Variants in ATP2B4 observed in about 807,000 individuals in gnomAD.
The protein encoded by ATP2B4 is plasma membrane calcium-transporting ATPase 4.
A neutral mutation model predicts 110.3 loss-of-function variants in ATP2B4; 39 were observed. The ratio of observed to expected loss-of-function variants is 0.35; its 90% confidence interval spans 0.27 to 0.46. ATP2B4 has a LOEUF of 0.46. ATP2B4 is among the 20% of genes least tolerant of loss of function. The pLI, the probability that ATP2B4 is intolerant of heterozygous loss-of-function variation, is 1.00. For missense variants in ATP2B4, 1,135 were observed against 1,530.9 expected (o/e 0.74, Z 4.32); for synonymous variants, 538 against 571.7 (o/e 0.94, Z 0.84).
intron 1 of ATP2B4, among the ~76,000 whole-genome samples, chr1:203,674,123 G>A (rs1182299513): frequency 1.3e-5 from 2 of 152,212 alleles, no homozygotes; most frequent in Non-Finnish European, 2.9e-5. Context: ...GCTTCCTGCC[G>A]CAGCTCTGAG....
intron 1 of ATP2B4, among the ~76,000 whole-genome samples, chr1:203,654,129 G>A (rs1389662094): frequency 2.6e-5 from 4 of 151,684 alleles, no homozygotes; most frequent in East Asian, 3.9e-4. Context: ...GATTACAGGC[G>A]CATGCCCCCA....
chr1:203,662,437 C>G (rs1350726703), intron 1 of ATP2B4, among the ~76,000 whole-genome samples: 1 of 152,188 alleles, frequency 6.6e-6, no homozygotes. Flanking sequence ...CAAACTGAAA[C>G]TCTGTACCCA....
At chr1:203,710,175 G>A (rs930740987) in intron 11 of ATP2B4, among the ~76,000 whole-genome samples, 7 of 151,998 alleles carry the variant, frequency 4.6e-5, no homozygotes, top group African/African-American at 1.2e-4. Context: ...AAACCAGCCC[G>A]ACCAACATGG....
intron 1 of ATP2B4, among the ~76,000 whole-genome samples, chr1:203,679,762 G>C (rs1252202833): frequency 6.6e-6 from 1 of 151,858 alleles, no homozygotes; most frequent in African/African-American, 2.4e-5. Context: ...TGCGACTGTA[G>C]TCTCAGCTAC....
intron 9 of ATP2B4, among the ~76,000 whole-genome samples, chr1:203,707,483 G>T (rs1232290559): frequency 6.7e-6 from 1 of 150,308 alleles, no homozygotes; most frequent in African/African-American, 2.5e-5. Flanking sequence ...GTCTCATTCT[G>T]TCACCCAGGC....
intron 1 of ATP2B4, among the ~76,000 whole-genome samples, chr1:203,666,571 A>G (rs10900561): frequency 0.78 from 118,771 of 152,008 alleles, 48,727 homozygotes; most frequent in Middle Eastern, 0.9. Flanking sequence ...TGGACATTTA[A>G]CATAGTAGAA....
At chr1:203,734,705 CAAAAA>C (rs35242931) in intron 20 of ATP2B4, among the ~76,000 whole-genome samples, 3 of 123,640 alleles carry the variant, frequency 2.4e-5, no homozygotes, top group Non-Finnish European at 3.4e-5. Flanking sequence ...GACTCCATCT[CAAAAA>C]AAAAAAAAAA....
chr1:203,632,913 G>A (rs182684728), intron 1 of ATP2B4, among the ~76,000 whole-genome samples: 208 of 151,942 alleles, frequency 1.4e-3, no homozygotes, highest in East Asian at 6.6e-3. Context: ...AGAATCTTTC[G>A]GGGTTTTTTT....
chr1:203,699,428 T>G (rs1278500878), intron 3 of ATP2B4, 32 bp from the exon 4 acceptor site: 1 of 1,611,526 alleles, frequency 6.2e-7, no homozygotes, highest in Non-Finnish European at 8.5e-7. Flanking sequence ...CAAAAGCCCT[T>G]CAGTGACTAT....
In ATP2B4 at chr1:203,683,233, C is replaced by G. The variant is rs777078203; in HGVS notation, c.28C>G (p.Pro10Ala). The change falls in exon 2 of 21, where the codon CCT (proline) becomes GCT (alanine). Residue 10 changes from proline to alanine, a missense_variant. By Grantham distance (27) the Pro-to-Ala change is conservative. This residue lies in a region of ATP2B4 where 122 missense variants were observed against 125.2 expected (regional missense o/e 0.97). Coordinates refer to ENST00000357681, the MANE Select transcript of ATP2B4 (RefSeq NM_001684.5). MTNPSDRVLPANSMAESREG... is the reference protein window; with the variant it reads MTNPSDRVLAANSMAESREG... ...GACGAACCCATCAGACCGTGTCTTGCCTGCCAACTCGATGGCCGAGAGCCG... is the reference window on the plus strand; with the variant it reads ...GACGAACCCATCAGACCGTGTCTTGGCTGCCAACTCGATGGCCGAGAGCCG... The G allele has an allele frequency of 1.2e-6, 2 of 1,614,116 alleles. No individual in the cohort carries two copies. Among genetic ancestry groups the G allele is most frequent in the Non-Finnish European group, 1.7e-6 (2 of 1,179,980 alleles).
rs779048789 is a variant in ATP2B4, at chr1:203,686,685, C to CTTTTTTTTTTTTTT, written c.193+3300_193+3313dup. Among the ~76,000 whole-genome samples, 138 of 42,752 alleles carry CTTTTTTTTTTTTTT rather than the reference C, an allele frequency of 3.2e-3. 6 individuals are homozygous for CTTTTTTTTTTTTTT. The highest frequency in any genetic ancestry group is 0.019 in the Middle Eastern group (1 of 52). The allele number at this position is 42,752 out of a possible 152,430, so 28.0% of individuals were successfully genotyped here. A position where few individuals can be genotyped will look rare whatever the true frequency, so the allele number is the denominator to read the frequency against. Reference sequence around the variant, plus strand: ...CCTGGTGTTTTTCTTTCTTTTCTTTCTTTTTTTTTTTTTTTTTTTTTTTTT... The same window carrying CTTTTTTTTTTTTTT: ...CCTGGTGTTTTTCTTTCTTTTCTTTCTTTTTTTTTTTTTTTTTTTTTTTTTTTTTTTTTTTTTTT... On this transcript the variant is annotated intron_variant, in intron 2 of 20. Transcript: ENST00000357681.
intron 9 of ATP2B4, among the ~76,000 whole-genome samples, chr1:203,707,603 G>A (rs1665887213): frequency 1.3e-5 from 2 of 152,214 alleles, no homozygotes; most frequent in East Asian, 3.9e-4. Context: ...GTTACTTTTT[G>A]TATCTTTTAC....
chr1:203,712,003 T>C lies in ATP2B4; in HGVS notation c.2075T>C (p.Val692Ala), dbSNP rs142632031. The change falls in exon 13 of 21, where the codon GTC becomes GCC. Residue 692 changes from valine to alanine, a missense_variant. Physicochemically the swap from Val to Ala is moderately conservative, Grantham distance 64. This residue lies in a region of ATP2B4 where 368 missense variants were observed against 455.9 expected (regional missense o/e 0.81). Transcript: ENST00000357681. Reference sequence around the variant, plus strand: ...AAATGCAAACAAGCTGGCATTACTGTCAGAATGGTGACAGGTGACAACATC... The same window carrying C: ...AAATGCAAACAAGCTGGCATTACTGCCAGAATGGTGACAGGTGACAACATC... ...IAKCKQAGIT[V>A]RMVTGDNINT... 2.5e-6 allele frequency: 4 copies of C among 1,614,100 alleles called. No homozygotes were observed. The highest frequency in any genetic ancestry group is 3.3e-4 in the Middle Eastern group (2 of 6,060).
chr1:203,684,577 C>T (rs567456687), intron 2 of ATP2B4, among the ~76,000 whole-genome samples: 26 of 151,902 alleles, frequency 1.7e-4, no homozygotes, highest in Admixed American at 3.3e-4. Context: ...AGGCTGGTCT[C>T]GAACTCCTGA....
At chr1:203,683,420 G>T in intron 2 of ATP2B4, 22 bp downstream of exon 2, 1 of 1,563,382 alleles carries the variant, frequency 6.4e-7, no homozygotes, top group South Asian at 1.2e-5. Context: ...ATCAGGGGTG[G>T]GGAGTTGGAG....
intron 1 of ATP2B4, among the ~76,000 whole-genome samples, chr1:203,646,557 G>A (rs746734494): frequency 1.3e-5 from 2 of 152,098 alleles, no homozygotes; most frequent in Non-Finnish European, 2.9e-5. Context: ...TGAGGTCAGT[G>A]TTCAAGACCA....
intron 1 of ATP2B4, among the ~76,000 whole-genome samples, chr1:203,636,799 C>T (rs964787858): frequency 1.3e-5 from 2 of 152,196 alleles, no homozygotes; most frequent in Non-Finnish European, 2.9e-5. Flanking sequence ...ACTCTCAATG[C>T]CCAAACCAAA....
rs559163330 is a variant in ATP2B4, at chr1:203,724,945, C to T, written c.3132+957C>T. On this transcript the variant is annotated intron_variant, in intron 19 of 20. Coordinates refer to ENST00000357681, the MANE Select transcript of ATP2B4 (RefSeq NM_001684.5). ...AGGCTGGAGTGCAGTTGTGTGATCT[C>T]GGCTCACTGCAAACTCTGCCTCCTG... 4.3e-5 allele frequency among the ~76,000 whole-genome samples: 6 copies of T among 137,972 alleles called. No individual in the cohort carries two copies. In the South Asian group the frequency reaches 1.2e-3, roughly 28 times the overall value. 90.5% of individuals were successfully genotyped at this position (137,972 alleles called of 152,430 possible). A position where few individuals can be genotyped will look rare whatever the true frequency, so the allele number is the denominator to read the frequency against.
intron 1 of ATP2B4, among the ~76,000 whole-genome samples, chr1:203,674,305 A>T (rs746992768): frequency 6.6e-6 from 1 of 152,072 alleles, no homozygotes; most frequent in Non-Finnish European, 1.5e-5. Context: ...CTGCTGTTTC[A>T]TCCTCTACAT....
Sources: gnomAD v4.1 joint callset for allele counts (sites outside exome capture counted in the v4.1 genomes callset) on GRCh38, gnomAD v4.1.1 for gene constraint, gnomAD v4.1.1 regional missense constraint, MANE v1.5 for transcripts, NCBI Gene and HGNC (gene_info 2026-07-23, HGNC 2026-07-21) for gene names.